Variants in RBFOX1 observed in about 807,000 individuals in gnomAD.
The protein encoded by RBFOX1 is RNA binding fox-1 homolog 1.
Under a neutral mutation model 57.7 loss-of-function variants are expected in RBFOX1, and 8 were observed. The ratio of observed to expected loss-of-function variants is 0.14; its 90% CI spans 0.08 to 0.25. The LOEUF is 0.25. RBFOX1 is among the 10% of genes least tolerant of loss of function. RBFOX1 has a pLI of 1.00. For missense variants in RBFOX1, 611 were observed against 548.5 expected (o/e 1.11, Z -1.14); for synonymous variants, 326 against 222.4 (o/e 1.47, Z -4.15).
At chr16:7,617,675 C>T (rs142646389) in intron 10 of RBFOX1, among the ~76,000 whole-genome samples, 3 of 152,120 alleles carry the variant, frequency 2.0e-5, no homozygotes, top group Non-Finnish European at 4.4e-5. Context: ...CCTTTTATTG[C>T]AGAATTATAG....
rs764826186 is a variant in RBFOX1, at chr16:5,560,008, C to T, written c.259-38894C>T. 1.1e-3 allele frequency among the ~76,000 whole-genome samples: 173 copies of T among 152,296 alleles called. 1 individual carries two copies. Among genetic ancestry groups the T allele is most frequent in the Non-Finnish European group, 2.0e-3 (137 of 68,038 alleles). ...CCGTCTCCCTAACCAGCATGAAAAA[C>T]GAGTGAATTTAGTTCTCTTGTCTGT... On this transcript the variant is annotated intron_variant, in intron 2 of 2. Coordinates refer to the RBFOX1 transcript ENST00000585867.
intron 1 of RBFOX1, among the ~76,000 whole-genome samples, chr16:5,422,800 AGAG>A (rs529457895): frequency 1.5e-3 from 160 of 106,736 alleles, no homozygotes; most frequent in Non-Finnish European, 2.1e-3. Flanking sequence ...GTGGGAAGAA[AGAG>A]GAGGAGGAGG....
rs139397472 is a variant in RBFOX1 at position 6,987,920 on chromosome 16, G to T, written c.-15-64137G>T. Among the ~76,000 whole-genome samples, 316 of 152,190 alleles carry T rather than the reference G, an allele frequency of 2.1e-3. 2 individuals are homozygous for T. The highest frequency in any genetic ancestry group is 7.4e-3 in the African/African-American group (306 of 41,522). ...AGAAATGAAATGTTTATGATGGCTG[G>T]AATGAGATCCCACAGGAAACTTGAG... On this transcript the variant is annotated intron_variant, in intron 3 of 15. Coordinates refer to ENST00000550418, the MANE Select transcript of RBFOX1 (RefSeq NM_018723.4).
In RBFOX1 at chr16:7,106,774, G is replaced by C. The variant is rs2063659291; in HGVS notation, c.27+54676G>C. Among the ~76,000 whole-genome samples the C allele has an allele frequency of 2.0e-5, 3 of 151,846 alleles. No individual in the cohort carries two copies. In the Admixed American group the frequency reaches 2.0e-4, roughly 10 times the overall value. On this transcript the variant is annotated intron_variant, in intron 4 of 15. Transcript: ENST00000550418. ...AGCACAAAATTTTTAAGGAGAATTA[G>C]AGAGTGACGTGACCAGATGCCCTAA...
At chr16:7,063,500 T>C (rs1367332698) in intron 4 of RBFOX1, among the ~76,000 whole-genome samples, 3 of 152,194 alleles carry the variant, frequency 2.0e-5, no homozygotes, top group Non-Finnish European at 2.9e-5. Flanking sequence ...CCAGACCTAC[T>C]GGATCAGATT....
At chr16:7,710,466 C>A (rs1249526919) in intron 15 of RBFOX1, 157 bp from the exon 16 acceptor site, 1 of 1,493,056 alleles carries the variant, frequency 6.7e-7, no homozygotes. Flanking sequence ...CAGGAATGGC[C>A]CTATCTTTAG....
At position 6,813,969 on chromosome 16, in the gene RBFOX1, A is replaced by T. The variant is rs147091344; in HGVS notation, c.-16+159319A>T. Among the ~76,000 whole-genome samples, 183 of 152,198 alleles carry T rather than the reference A, an allele frequency of 1.2e-3. 1 individual carries two copies. The highest frequency in any genetic ancestry group is 4.1e-3 in the African/African-American group (170 of 41,536). ...CTATTAACCAGTCCTTGCTACTAAC[A>T]CTCTCATCATGGCACTGGCAATATC... On this transcript the variant is annotated intron_variant, in intron 3 of 15. Coordinates refer to ENST00000550418, the MANE Select transcript of RBFOX1 (RefSeq NM_018723.4).
chr16:6,703,238 A>G (rs11642387), intron 3 of RBFOX1, among the ~76,000 whole-genome samples: 10,121 of 151,812 alleles, frequency 0.067, 480 homozygotes, highest in Non-Finnish European at 0.099. Flanking sequence ...TTAATTACTT[A>G]TTATTATTTA....
At chr16:6,980,247 A>C (rs181094895) in intron 3 of RBFOX1, among the ~76,000 whole-genome samples, 5 of 152,292 alleles carry the variant, frequency 3.3e-5, no homozygotes, top group African/African-American at 9.6e-5. Flanking sequence ...TTTATTTCCT[A>C]TACAAATGTG....
chr16:6,750,664 G>A (rs1022954711), intron 3 of RBFOX1, among the ~76,000 whole-genome samples: 13 of 152,126 alleles, frequency 8.5e-5, no homozygotes, highest in Admixed American at 2.6e-4. Flanking sequence ...GCTGGGACAG[G>A]GGTGTTCATT....
chr16:6,246,541 T>C lies in RBFOX1; in HGVS notation c.-126-70454T>C, dbSNP rs994773097. 3.9e-5 allele frequency among the ~76,000 whole-genome samples: 6 copies of C among 152,098 alleles called. No individual in the cohort carries two copies. In the South Asian group the frequency reaches 1.2e-3, roughly 31 times the overall value. ...GAGGCTAGGAAGAAGAGTGTTACTA[T>C]GATTGGCAGCTCTGTGGTAACACCA... On this transcript the variant is annotated intron_variant, in intron 1 of 15. Transcript: ENST00000550418.
intron 3 of RBFOX1, among the ~76,000 whole-genome samples, chr16:6,961,291 T>C (rs1335398931): frequency 6.6e-6 from 1 of 152,210 alleles, no homozygotes; most frequent in Non-Finnish European, 1.5e-5. Context: ...AGAGGAGAGC[T>C]AAGCAATGCA....
intron 2 of RBFOX1, among the ~76,000 whole-genome samples, chr16:6,331,433 T>G (rs1264937730): frequency 7.0e-6 from 1 of 142,676 alleles, no homozygotes; most frequent in Non-Finnish European, 1.6e-5. Flanking sequence ...GGTGACAGAA[T>G]GAAGAAAAAA....
chr16:7,666,282 C>A (rs1027608299), intron 13 of RBFOX1, among the ~76,000 whole-genome samples: 17 of 151,712 alleles, frequency 1.1e-4, no homozygotes, highest in African/African-American at 3.9e-4. Flanking sequence ...TAGTTGGCAT[C>A]GCAGAATTTA....
chr16:7,604,570 G>A (rs1352834752), intron 9 of RBFOX1, among the ~76,000 whole-genome samples: 1 of 152,152 alleles, frequency 6.6e-6, no homozygotes, highest in Non-Finnish European at 1.5e-5. Context: ...GAAAGATGGG[G>A]AAATAAACAG....
intron 4 of RBFOX1, among the ~76,000 whole-genome samples, chr16:7,267,711 C>G (rs1454677099): frequency 6.6e-6 from 1 of 151,988 alleles, no homozygotes; most frequent in Non-Finnish European, 1.5e-5. Context: ...AAAAAATTAA[C>G]TGGTTGTGAT....
At chr16:5,751,060 C>G (rs1307979596) in intron 3 of RBFOX1, among the ~76,000 whole-genome samples, 3 of 152,154 alleles carry the variant, frequency 2.0e-5, no homozygotes, top group African/African-American at 7.2e-5. Context: ...CTGGGCTGGT[C>G]TCAAACTTCT....
chr16:6,069,901 C>T (rs941992245), intron 1 of RBFOX1, among the ~76,000 whole-genome samples: 26 of 152,054 alleles, frequency 1.7e-4, no homozygotes, highest in African/African-American at 6.3e-4. Context: ...GCAGGAGAAT[C>T]ACTTGAACCC....
At chr16:6,671,688 C>T (rs1287557263) in intron 3 of RBFOX1, among the ~76,000 whole-genome samples, 1 of 152,176 alleles carries the variant, frequency 6.6e-6, no homozygotes, top group Non-Finnish European at 1.5e-5. Flanking sequence ...TAGCTTAGCT[C>T]CCACTTAGGA....
Sources: gnomAD v4.1 joint callset for allele counts (sites outside exome capture counted in the v4.1 genomes callset) on GRCh38, gnomAD v4.1.1 for gene constraint, MANE v1.5 for transcripts, NCBI Gene and HGNC (gene_info 2026-07-23, HGNC 2026-07-21) for gene names.